HDGFL2: variants seen among roughly 807,000 people sequenced by gnomAD.
HDGFL2 encodes hepatoma-derived growth factor-related protein 2.
Under a neutral mutation model 77.1 loss-of-function variants are expected in HDGFL2, and 36 were observed. The observed-to-expected ratio is 0.47, with a 90% CI of 0.36 to 0.62. The LOEUF is 0.62. HDGFL2 is among the 20% of genes least tolerant of loss of function. HDGFL2 has a pLI of 0.00. For missense variants in HDGFL2, 976 were observed against 973.4 expected (o/e 1.00, Z -0.04); for synonymous variants, 463 against 413.1 (o/e 1.12, Z -1.46).
rs748646704 is a variant in HDGFL2 at position 4,493,701 on chromosome 19, A to T, written c.679-2A>T. The T allele has an allele frequency of 2.1e-6, 3 of 1,460,612 alleles. No homozygotes were observed. The Admixed American group carries it at 7.7e-5, about 38-fold the overall frequency. 90.5% of individuals were successfully genotyped at this position (1,460,612 alleles called of 1,614,324 possible). On this transcript the variant is annotated splice_acceptor_variant, in intron 6 of 15. Transcript: ENST00000616600. LOFTEE classifies it high-confidence loss of function. ...CTCACGCCTGTCCCTGCTTCTCCCC[A>T]GAAGGCGCCATCAGCCTCCGACTCC...
chr19:4,498,968 GT>G, intron 13 of HDGFL2, 53 bp downstream of exon 13: 2 of 1,323,636 alleles, frequency 1.5e-6, no homozygotes, highest in South Asian at 1.2e-5. Context: ...CTGGGAGCAA[GT>G]GCCTGCCCGG....
chr19:4,492,520 T>C (rs1483270057), intron 6 of HDGFL2, among the ~76,000 whole-genome samples: 6 of 151,898 alleles, frequency 4.0e-5, no homozygotes, highest in African/African-American at 1.2e-4. Flanking sequence ...GTGTCTGTGT[T>C]TGTGTGTCTG....
At chr19:4,500,815 C>G (rs952091808) in intron 14 of HDGFL2, among the ~76,000 whole-genome samples, 1 of 152,118 alleles carries the variant, frequency 6.6e-6, no homozygotes, top group African/African-American at 2.4e-5. Flanking sequence ...GCATGTTACT[C>G]AGGCTGGTCT....
chr19:4,494,746 G>T (rs1350499095), intron 9 of HDGFL2, among the ~76,000 whole-genome samples: 1 of 152,078 alleles, frequency 6.6e-6, no homozygotes, highest in African/African-American at 2.4e-5. Flanking sequence ...GAGAGACCCT[G>T]TCTCTATAAA....
At position 4,488,781 on chromosome 19, in the gene HDGFL2, A is replaced by G; in HGVS notation, c.394A>G (p.Thr132Ala). 2 of 1,551,968 alleles carry G rather than the reference A, an allele frequency of 1.3e-6. No individual in the cohort carries two copies. Among genetic ancestry groups the G allele is most frequent in the Non-Finnish European group, 8.7e-7 (1 of 1,147,264 alleles). The change falls in exon 4 of 16, where the codon ACC becomes GCC. Residue 132 changes from threonine (T) to alanine (A), a missense_variant. By Grantham distance (58) the Thr-to-Ala change is moderately conservative (BLOSUM62 0). Coordinates refer to ENST00000616600, the MANE Select transcript of HDGFL2 (RefSeq NM_001001520.3). ...DRGVMAVTAV[T>A]ATAASDRMES... ...GGGGGTCATGGCCGTCACAGCGGTA[A>G]CCGCCACAGCTGCCAGCGACAGGAT...
At chr19:4,472,816 G>A (rs1974978212) in intron 1 of HDGFL2, among the ~76,000 whole-genome samples, 1 of 150,802 alleles carries the variant, frequency 6.6e-6, no homozygotes, top group Admixed American at 6.6e-5. Flanking sequence ...AGCCCCTCCC[G>A]GGGTCTGGGG....
At chr19:4,483,787 ATTTTTTT>A (rs5826851) in intron 3 of HDGFL2, among the ~76,000 whole-genome samples, 2 of 100,522 alleles carry the variant, frequency 2.0e-5, no homozygotes, top group Non-Finnish European at 3.8e-5. Context: ...TTGTTTCATG[ATTTTTTT>A]TTTTTTTTTT....
chr19:4,494,782 G>A (rs1975657436), intron 9 of HDGFL2, among the ~76,000 whole-genome samples: 1 of 152,168 alleles, frequency 6.6e-6, no homozygotes, highest in Non-Finnish European at 1.5e-5. Context: ...GCTGGGCGTG[G>A]TGGTGTGCGC....
Position 4,499,715 on chromosome 19 carries a change from G to A in HDGFL2, c.1789+11G>A. ...ACAAGCCCAGCACCGGTGAGGGGCG[G>A]GTGGGGTGGGCCCTGTACCTCAGTC... is the stretch of plus-strand genomic sequence containing the variant. On this transcript the variant is annotated intron_variant, in intron 14 of 15. Coordinates refer to ENST00000616600, the MANE Select transcript of HDGFL2 (RefSeq NM_001001520.3). 6.5e-7 allele frequency: 1 copy of A among 1,533,848 alleles called. No homozygotes were observed. Among genetic ancestry groups the A allele is most frequent in the Non-Finnish European group, 8.8e-7 (1 of 1,132,966 alleles).
At chr19:4,486,206 C>G (rs1019040534) in intron 3 of HDGFL2, among the ~76,000 whole-genome samples, 5 of 152,076 alleles carry the variant, frequency 3.3e-5, no homozygotes, top group South Asian at 2.1e-4. Context: ...GGTGCCTGTG[C>G]TGGGAGCTGT....
intron 3 of HDGFL2, among the ~76,000 whole-genome samples, chr19:4,482,549 G>T (rs1001259766): frequency 1.3e-5 from 2 of 152,112 alleles, no homozygotes; most frequent in African/African-American, 4.8e-5. Flanking sequence ...TGTTGCCTAG[G>T]CTGGTCTTGA....
At chr19:4,498,519 C>T in intron 12 of HDGFL2, 143 bp downstream of exon 12, 2 of 691,602 alleles carry the variant, frequency 2.9e-6, no homozygotes, top group South Asian at 1.7e-5. Flanking sequence ...CTAGTGAGCG[C>T]ATGGGGTCTC....
At chr19:4,491,298 G>A (rs1381775759) in intron 4 of HDGFL2, among the ~76,000 whole-genome samples, 1 of 45,122 alleles carries the variant, frequency 2.2e-5, no homozygotes, top group African/African-American at 8.4e-5. Context: ...CGCAGCCCTG[G>A]TGCCCCTCAT....
chr19:4,497,448 C>A (rs560855480), intron 10 of HDGFL2: 2 of 290,252 alleles, frequency 6.9e-6, no homozygotes, highest in African/African-American at 4.6e-5. Context: ...CCCCCCGCCT[C>A]GGCCTCCCAA....
At chr19:4,475,077 G>C (rs1382067421) in intron 1 of HDGFL2, 198 bp from the exon 2 acceptor site, 22 of 589,660 alleles carry the variant, frequency 3.7e-5, no homozygotes, top group East Asian at 5.7e-5. Context: ...GGTAGGGGGA[G>C]AGCTCTCTGG....
intron 4 of HDGFL2, among the ~76,000 whole-genome samples, chr19:4,490,198 T>C (rs1409547691): frequency 1.3e-5 from 2 of 152,250 alleles, no homozygotes; most frequent in East Asian, 1.9e-4. Flanking sequence ...AGCAATTCTT[T>C]TGCCTCAGCC....
At chr19:4,491,477 C>A in intron 4 of HDGFL2, 89 bp from the exon 5 acceptor site, 1 of 1,089,714 alleles carries the variant, frequency 9.2e-7, no homozygotes, top group Non-Finnish European at 1.4e-6. Flanking sequence ...CAGAGCTCAG[C>A]TGTCGTGGGT....
At chr19:4,496,213 G>A (rs998666051) in intron 9 of HDGFL2, 89 bp from the exon 10 acceptor site, 28 of 1,065,550 alleles carry the variant, frequency 2.6e-5, no homozygotes, top group Admixed American at 5.6e-5. Flanking sequence ...AGAAAGGGTC[G>A]AGCTGCATCT....
At chr19:4,489,036 C>T (rs1421651915) in intron 4 of HDGFL2, among the ~76,000 whole-genome samples, 160 bp downstream of exon 4, 2 of 150,972 alleles carry the variant, frequency 1.3e-5, no homozygotes, top group Admixed American at 6.6e-5. Context: ...TCGCTGCAAC[C>T]TCCGCCTCCC....
Sources: allele counts gnomAD v4.1 joint callset (sites outside exome capture counted in the v4.1 genomes callset), GRCh38; gene constraint gnomAD v4.1.1; transcripts MANE v1.5; gene names NCBI Gene and HGNC (gene_info 2026-07-23, HGNC 2026-07-21).